The following MAML3 variants were observed in gnomAD, a reference collection of about 807,000 sequenced individuals.
MAML3 encodes mastermind-like protein 3.
In MAML3, 27 loss-of-function variants were observed where a neutral mutation model predicts 101.9. The observed-to-expected ratio is 0.27, with a 90% CI of 0.20 to 0.37. The LOEUF is 0.37. Among genes scored for constraint, MAML3 ranks in the 10% least tolerant of loss-of-function variants. The probability of loss-of-function intolerance (pLI) is 1.00; values close to 1 mark genes in which losing one functional copy is unlikely to be tolerated. For missense variants in MAML3, 1,316 were observed against 1,444.9 expected (o/e 0.91, Z 1.45); for synonymous variants, 501 against 555.9 (o/e 0.90, Z 1.39).
intron 1 of MAML3, among the ~76,000 whole-genome samples, chr4:140,075,864 G>C (rs113912110): frequency 6.6e-6 from 1 of 150,964 alleles, no homozygotes; most frequent in Non-Finnish European, 1.5e-5. Flanking sequence ...GGATTCAAGC[G>C]ATTCTCCCAC....
At chr4:139,911,485 T>G (rs1246727197) in intron 1 of MAML3, among the ~76,000 whole-genome samples, 1 of 152,232 alleles carries the variant, frequency 6.6e-6, no homozygotes, top group Non-Finnish European at 1.5e-5. Context: ...CCCAAAGTGC[T>G]GGAATTACAG....
At chr4:139,724,607 CTT>C (rs1248889742) in intron 4 of MAML3, among the ~76,000 whole-genome samples, 1 of 152,098 alleles carries the variant, frequency 6.6e-6, no homozygotes, top group Non-Finnish European at 1.5e-5. Context: ...GAATAGGTAA[CTT>C]TTGAGAAGCT....
chr4:139,742,863 GA>G (rs1729210857), intron 2 of MAML3, among the ~76,000 whole-genome samples: 3 of 152,174 alleles, frequency 2.0e-5, no homozygotes, highest in Admixed American at 1.3e-4. Flanking sequence ...GGCCTTCAAA[GA>G]TGGAGGTTAT....
chr4:139,930,982 A>G (rs959378423), intron 1 of MAML3, among the ~76,000 whole-genome samples: 8 of 152,138 alleles, frequency 5.3e-5, no homozygotes, highest in Non-Finnish European at 8.8e-5. Context: ...TTCTCTAAAA[A>G]AAAGGGGTAA....
At chr4:139,900,441 T>C (rs4401409) in intron 1 of MAML3, among the ~76,000 whole-genome samples, 129,535 of 152,200 alleles carry the variant, frequency 0.85, 55,514 homozygotes, top group South Asian at 0.92. Context: ...CAGTGGCAGC[T>C]GAAGTCCTCC....
intron 1 of MAML3, among the ~76,000 whole-genome samples, chr4:140,117,916 G>C (rs1414580664): frequency 6.6e-6 from 1 of 151,988 alleles, no homozygotes; most frequent in South Asian, 2.1e-4. Context: ...GTAATTCTAA[G>C]GGTAATTTGT....
intron 2 of MAML3, among the ~76,000 whole-genome samples, chr4:139,823,734 A>C (rs1315599345): frequency 6.6e-6 from 1 of 151,302 alleles, no homozygotes; most frequent in African/African-American, 2.4e-5. Context: ...ATGATGCTTA[A>C]TGTCTGCTAG....
intron 1 of MAML3, among the ~76,000 whole-genome samples, chr4:140,019,191 T>C (rs1308490977): frequency 6.6e-6 from 1 of 152,026 alleles, no homozygotes; most frequent in Non-Finnish European, 1.5e-5. Flanking sequence ...GTTTTTTCAG[T>C]TTAGAAAACT....
chr4:139,917,710 C>T (rs2111230770), intron 1 of MAML3, among the ~76,000 whole-genome samples: 1 of 152,238 alleles, frequency 6.6e-6, no homozygotes, highest in East Asian at 1.9e-4. Context: ...GAAAGGGCTG[C>T]CTTGTGAGGC....
At chr4:140,000,325 A>G (rs1734898783) in intron 1 of MAML3, among the ~76,000 whole-genome samples, 1 of 151,648 alleles carries the variant, frequency 6.6e-6, no homozygotes, top group East Asian at 1.9e-4. Flanking sequence ...CTATTCCCCT[A>G]TCCCTGAAGA....
chr4:139,825,540 C>T (rs1166931360), intron 2 of MAML3, among the ~76,000 whole-genome samples: 2 of 152,118 alleles, frequency 1.3e-5, no homozygotes, highest in African/African-American at 4.8e-5. Flanking sequence ...TTTTGCAGCA[C>T]GTTGGTGGGT....
chr4:139,860,252 T>C (rs904451000), intron 2 of MAML3, among the ~76,000 whole-genome samples: 1 of 152,216 alleles, frequency 6.6e-6, no homozygotes, highest in African/African-American at 2.4e-5. Flanking sequence ...GGAGGCCTGC[T>C]TGGCTTCCCA....
At chr4:139,760,732 A>ATTG (rs1729741160) in intron 2 of MAML3, among the ~76,000 whole-genome samples, 1 of 152,216 alleles carries the variant, frequency 6.6e-6, no homozygotes, top group Non-Finnish European at 1.5e-5. Context: ...CATCTGGAAT[A>ATTG]TTGTTCAGCT....
At chr4:140,127,048 A>T (rs1728695945) in intron 1 of MAML3, among the ~76,000 whole-genome samples, 1 of 152,150 alleles carries the variant, frequency 6.6e-6, no homozygotes, top group Admixed American at 6.5e-5. Context: ...GGTCATGATG[A>T]CATCACACCC....
chr4:140,134,195 G>C (rs941526541), intron 1 of MAML3: 1 of 456,580 alleles, frequency 2.2e-6, no homozygotes. Flanking sequence ...TATGTAGATT[G>C]GTCCCCTAAC....
chr4:140,101,807 C>G (rs1196355748), intron 1 of MAML3, among the ~76,000 whole-genome samples: 2 of 151,638 alleles, frequency 1.3e-5, no homozygotes, highest in East Asian at 1.9e-4. Flanking sequence ...TATAAAATAG[C>G]CTAAATTAGT....
At chr4:139,985,255 T>A (rs906136671) in intron 1 of MAML3, among the ~76,000 whole-genome samples, 1 of 152,226 alleles carries the variant, frequency 6.6e-6, no homozygotes, top group Non-Finnish European at 1.5e-5. Flanking sequence ...TGATCTTTCT[T>A]ACAGGCAACT....
At chr4:139,767,663 C>T (rs1729892547) in intron 2 of MAML3, among the ~76,000 whole-genome samples, 1 of 152,192 alleles carries the variant, frequency 6.6e-6, no homozygotes, top group African/African-American at 2.4e-5. Context: ...AGAATCCAAA[C>T]TTTTAAATTT....
Position 139,890,955 on chromosome 4 carries a change from C to T in MAML3, c.481G>A (p.Val161Met), listed in dbSNP as rs536058444. Residue 161 changes from valine to methionine, a missense_variant, in exon 2 of 5, where the codon GTG becomes ATG. Val to Met is a conservative substitution (Grantham distance 21, BLOSUM62 1). Transcript: ENST00000509479. This position sits in a 1 kb window ranked among gnomAD's most constrained non-coding sequence, Gnocchi z 4.1. ...NHTLIMLQET[V>M]KRKLEGARSP... ...CGAGCTCCTTCCAACTTCCTTTTCA[C>T]AGTCTCTTGTAGCTGGAAAAGAAAC... 32 of 1,611,976 alleles carry T rather than the reference C, an allele frequency of 2.0e-5. 1 individual carries two copies. In the East Asian group the frequency reaches 3.6e-4, roughly 18 times the overall value.
Sources: gnomAD v4.1 joint callset for allele counts (sites outside exome capture counted in the v4.1 genomes callset) on GRCh38, gnomAD v4.1.1 for gene constraint, Gnocchi (gnomAD v3.1) non-coding constraint, MANE v1.5 for transcripts, NCBI Gene and HGNC (gene_info 2026-07-23, HGNC 2026-07-21) for gene names.